NTN4: variants seen among roughly 807,000 people sequenced by gnomAD.
NTN4 encodes the protein netrin 4.
In NTN4, 32 loss-of-function variants were observed where a neutral mutation model predicts 73.6. That is an observed-to-expected ratio of 0.44 (90% CI 0.33 to 0.58). NTN4 has a LOEUF of 0.58. NTN4 is among the 20% of genes least tolerant of loss of function. The pLI is 0.04. For missense variants in NTN4, 654 were observed against 798.3 expected, an observed-to-expected ratio of 0.82 and a Z score of 2.18; for synonymous variants, 258 against 287.5, an observed-to-expected ratio of 0.90 and a Z score of 1.04.
At chr12:95,695,074 G>A (rs1450731993) in intron 5 of NTN4, among the ~76,000 whole-genome samples, 2 of 151,782 alleles carry the variant, frequency 1.3e-5, no homozygotes, top group Non-Finnish European at 2.9e-5. Context: ...GTTGCAGTGA[G>A]CGGAGATCAC....
At chr12:95,764,809 T>C (rs2079010029) in intron 2 of NTN4, among the ~76,000 whole-genome samples, 1 of 152,232 alleles carries the variant, frequency 6.6e-6, no homozygotes, top group South Asian at 2.1e-4. Context: ...AAGTTTTGAT[T>C]ACAGTACTTC....
chr12:95,705,277 T>C (rs1046562832), intron 5 of NTN4, among the ~76,000 whole-genome samples: 1 of 152,172 alleles, frequency 6.6e-6, no homozygotes, highest in Non-Finnish European at 1.5e-5. Flanking sequence ...TCTATAAATA[T>C]ACATGGCTAT....
At chr12:95,701,051 T>A (rs1410269329) in intron 5 of NTN4, among the ~76,000 whole-genome samples, 1 of 152,104 alleles carries the variant, frequency 6.6e-6, no homozygotes, top group African/African-American at 2.4e-5. Context: ...TGACCTCAGG[T>A]GATCTGCCCA....
chr12:95,785,505 C>T (rs938409448), intron 2 of NTN4, among the ~76,000 whole-genome samples: 4 of 152,202 alleles, frequency 2.6e-5, no homozygotes, highest in Admixed American at 2.6e-4. Context: ...CTGCTTGCAC[C>T]ATGTCCTACT....
intron 5 of NTN4, among the ~76,000 whole-genome samples, chr12:95,704,758 G>A (rs969650460): frequency 3.3e-5 from 5 of 152,282 alleles, no homozygotes; most frequent in Non-Finnish European, 5.9e-5. Context: ...CGTAAGCTAG[G>A]GAAGCAGACA....
chr12:95,725,031 C>A (rs2078681999), intron 3 of NTN4, among the ~76,000 whole-genome samples: 1 of 86,784 alleles, frequency 1.2e-5, no homozygotes. Context: ...TTGCTTCCCA[C>A]AAACACCTAA....
intron 5 of NTN4, among the ~76,000 whole-genome samples, chr12:95,690,808 A>T (rs990830096): frequency 1.3e-5 from 2 of 152,162 alleles, no homozygotes; most frequent in Admixed American, 6.6e-5. Flanking sequence ...TAGCCAGAAG[A>T]AAGATATTAT....
At chr12:95,688,168 G>A (rs970617906) in intron 5 of NTN4, among the ~76,000 whole-genome samples, 2 of 152,168 alleles carry the variant, frequency 1.3e-5, no homozygotes, top group African/African-American at 4.8e-5. Context: ...ACTAGAGTGG[G>A]GAGAGGCTGG....
At chr12:95,760,267 G>A (rs2078977762) in intron 2 of NTN4, among the ~76,000 whole-genome samples, 1 of 152,178 alleles carries the variant, frequency 6.6e-6, no homozygotes, top group Non-Finnish European at 1.5e-5. Context: ...TCCAGACAGT[G>A]AGAAGGTGAA....
chr12:95,748,102 G>A lies in NTN4; in HGVS notation c.586-9958C>T, dbSNP rs187831187. 4.2e-4 allele frequency among the ~76,000 whole-genome samples: 63 copies of A among 151,594 alleles called. 1 individual carries two copies. In the South Asian group the frequency reaches 5.0e-3, roughly 12 times the overall value. On this transcript the variant is annotated intron_variant, in intron 2 of 9. Transcript: ENST00000343702. ...AAACATTAGCTAGGCATGGTGGTAC[G>A]CACCTGTAGTCCCAGCCACTCAGGA...
At chr12:95,695,972 T>C (rs2121036372) in intron 5 of NTN4, among the ~76,000 whole-genome samples, 1 of 149,892 alleles carries the variant, frequency 6.7e-6, no homozygotes, top group South Asian at 2.2e-4. Flanking sequence ...TCTTTCTTTT[T>C]CTTTCCTTTC....
Position 95,713,201 on chromosome 12 carries a change from T to A in NTN4, c.991+11A>T. On this transcript the variant is annotated intron_variant, in intron 4 of 9. Coordinates refer to ENST00000343702, the MANE Select transcript of NTN4 (RefSeq NM_021229.4). ...AAGAAAGCTTTTGAGTATCGTGGGC[T>A]TGTTACTTACTTCTGCACTCGTTGG... The A allele has an allele frequency of 1.2e-6, 2 of 1,609,332 alleles. No homozygotes were observed. The highest frequency in any genetic ancestry group is 1.7e-6 in the Non-Finnish European group (2 of 1,176,108).
chr12:95,713,849 TAA>T (rs2078585465), intron 3 of NTN4, among the ~76,000 whole-genome samples: 1 of 152,128 alleles, frequency 6.6e-6, no homozygotes, highest in Non-Finnish European at 1.5e-5. Flanking sequence ...ATACACACCC[TAA>T]TGGCACCCCG....
rs138695096 is a variant in NTN4 at position 95,677,245 on chromosome 12, G to A, written c.1510+5462C>T. 1.3e-4 allele frequency among the ~76,000 whole-genome samples: 20 copies of A among 151,624 alleles called. No individual in the cohort carries two copies. In the East Asian group the frequency reaches 2.1e-3, roughly 16 times the overall value. On this transcript the variant is annotated intron_variant, in intron 7 of 9. Transcript: ENST00000343702. ...CTCCAACTCAAAAAAAAAAAGAATC[G>A]GTAATTTTCTAGAAAACTTTGATTA... is the stretch of plus-strand genomic sequence containing the variant.
intron 6 of NTN4, among the ~76,000 whole-genome samples, chr12:95,683,123 A>T (rs1043022368): frequency 2.0e-5 from 3 of 152,120 alleles, no homozygotes; most frequent in African/African-American, 7.2e-5. Flanking sequence ...GCAATGGTGC[A>T]ATCTTGGCTC....
chr12:95,719,578 C>T (rs1266208130), intron 3 of NTN4, among the ~76,000 whole-genome samples: 1 of 152,144 alleles, frequency 6.6e-6, no homozygotes. Context: ...GAAATAAATT[C>T]TAATAATGGG....
At chr12:95,715,522 C>A (rs2078599083) in intron 3 of NTN4, among the ~76,000 whole-genome samples, 1 of 152,060 alleles carries the variant, frequency 6.6e-6, no homozygotes, top group Admixed American at 6.6e-5. Flanking sequence ...CTCTTCATGG[C>A]TCTCTGATAT....
intron 5 of NTN4, among the ~76,000 whole-genome samples, chr12:95,709,134 T>A (rs2078543530): frequency 6.6e-6 from 1 of 152,230 alleles, no homozygotes; most frequent in Non-Finnish European, 1.5e-5. Context: ...AAAAAAATAT[T>A]TTTAAAGAGC....
At chr12:95,729,637 GT>G (rs2078723509) in intron 3 of NTN4, among the ~76,000 whole-genome samples, 1 of 87,142 alleles carries the variant, frequency 1.1e-5, no homozygotes, top group Non-Finnish European at 2.2e-5. Flanking sequence ...GAGAGAGTGT[GT>G]GTGTGTGTGT....
Sources: allele counts gnomAD v4.1 joint callset (sites outside exome capture counted in the v4.1 genomes callset), GRCh38; gene constraint gnomAD v4.1.1; transcripts MANE v1.5; gene names NCBI Gene and HGNC (gene_info 2026-07-23, HGNC 2026-07-21).